Variants in KAZN observed in about 807,000 individuals in gnomAD.
The protein encoded by KAZN is kazrin.
A neutral mutation model predicts 87.4 loss-of-function variants in KAZN; 40 were observed. The observed-to-expected ratio is 0.46, with a 90% CI of 0.36 to 0.60. The LOEUF is 0.60. Ranked by LOEUF, KAZN falls within the 20% of genes least tolerant of loss-of-function variation. KAZN has a pLI of 0.00. For missense variants in KAZN, 898 were observed against 1,073.9 expected, an observed-to-expected ratio of 0.84 and a Z score of 2.29; for synonymous variants, 466 against 458.3, an observed-to-expected ratio of 1.02 and a Z score of -0.22.
At chr1:14,768,820 C>T (rs1271609518) in intron 1 of KAZN, among the ~76,000 whole-genome samples, 1 of 152,230 alleles carries the variant, frequency 6.6e-6, no homozygotes, top group Non-Finnish European at 1.5e-5. Flanking sequence ...CCACCAGTTC[C>T]AGTCAGTCAC....
intron 1 of KAZN, among the ~76,000 whole-genome samples, chr1:14,092,582 CA>C (rs1222603641): frequency 6.8e-6 from 1 of 147,918 alleles, no homozygotes; most frequent in Non-Finnish European, 1.5e-5. Context: ...TATGTATGTA[CA>C]TATATGTACA....
At chr1:14,547,319 A>G (rs1157497223) in intron 2 of KAZN, among the ~76,000 whole-genome samples, 2 of 152,350 alleles carry the variant, frequency 1.3e-5, no homozygotes, top group Admixed American at 6.5e-5. Flanking sequence ...AGTAAATTAC[A>G]GAGTTTTTTA....
chr1:14,160,468 G>A (rs1269346396), intron 1 of KAZN, among the ~76,000 whole-genome samples: 2 of 152,202 alleles, frequency 1.3e-5, no homozygotes, highest in Non-Finnish European at 2.9e-5. Flanking sequence ...GAAGGAGGGG[G>A]CTTGGGAGAG....
intron 1 of KAZN, among the ~76,000 whole-genome samples, chr1:14,615,760 G>A (rs991877932): frequency 1.3e-5 from 2 of 152,218 alleles, no homozygotes; most frequent in African/African-American, 2.4e-5. Flanking sequence ...GAGGCATCCC[G>A]GGAAGTGGCG....
intron 10 of KAZN, among the ~76,000 whole-genome samples, chr1:15,100,867 C>G (rs1459917337): frequency 6.6e-6 from 1 of 152,184 alleles, no homozygotes. Context: ...AGTGGACACC[C>G]AACATCCCTG....
At chr1:14,503,462 C>T (rs941801027) in intron 2 of KAZN, among the ~76,000 whole-genome samples, 8 of 149,926 alleles carry the variant, frequency 5.3e-5, no homozygotes, top group Non-Finnish European at 7.4e-5. Context: ...CCAGCCTGGG[C>T]GACAGAGCAA....
chr1:14,731,344 G>A (rs1026161147), intron 1 of KAZN, among the ~76,000 whole-genome samples: 14 of 152,170 alleles, frequency 9.2e-5, no homozygotes, highest in Non-Finnish European at 1.3e-4. Flanking sequence ...GTCAGCCCCA[G>A]GCCAACAGTC....
At chr1:14,589,195 A>T (rs1328859933) in intron 2 of KAZN, among the ~76,000 whole-genome samples, 1 of 152,182 alleles carries the variant, frequency 6.6e-6, no homozygotes, top group Non-Finnish European at 1.5e-5. Context: ...GATATGATCA[A>T]AAGCAAAATA....
intron 2 of KAZN, among the ~76,000 whole-genome samples, chr1:14,343,915 A>G (rs144679221): frequency 2.5e-4 from 38 of 152,306 alleles, no homozygotes; most frequent in African/African-American, 8.4e-4. Flanking sequence ...TTGTTTTTTA[A>G]AAGTCCCAAA....
chr1:15,066,555 T>C lies in KAZN; in HGVS notation c.1222+802T>C. ...TTTAAATTGCATTGCCGTTTCTTTC[T>C]TTATGAAAAAAAAGAAAAAAAGAAA... is the stretch of plus-strand genomic sequence containing the variant. On this transcript the variant is annotated intron_variant, in intron 8 of 14. Coordinates refer to ENST00000376030, the MANE Select transcript of KAZN (RefSeq NM_201628.3). This position sits in a 1 kb window ranked among gnomAD's most constrained non-coding sequence, Gnocchi z 4.3. The C allele has an allele frequency of 1.0e-6, 1 of 985,304 alleles. No homozygotes were observed. The highest frequency in any genetic ancestry group is 5.2e-4 in the Middle Eastern group (1 of 1,912). 61.0% of individuals were successfully genotyped at this position (985,304 alleles called of 1,614,324 possible).
intron 2 of KAZN, among the ~76,000 whole-genome samples, chr1:14,210,288 T>A (rs1646827733): frequency 6.6e-6 from 1 of 152,198 alleles, no homozygotes; most frequent in Non-Finnish European, 1.5e-5. Context: ...TGCTGCCATG[T>A]AAGATGTGCC....
At chr1:14,137,812 G>A (rs920566744) in intron 1 of KAZN, among the ~76,000 whole-genome samples, 1 of 148,040 alleles carries the variant, frequency 6.8e-6, no homozygotes, top group Non-Finnish European at 1.5e-5. Context: ...GGGTTTAAGC[G>A]ATTCTCCTGC....
At chr1:14,382,608 G>T (rs1364709056) in intron 2 of KAZN, among the ~76,000 whole-genome samples, 2 of 148,422 alleles carry the variant, frequency 1.3e-5, no homozygotes, top group Non-Finnish European at 3.0e-5. Context: ...TGAGAATGAT[G>T]ATTTCCAATT....
intron 2 of KAZN, among the ~76,000 whole-genome samples, chr1:15,003,083 G>T (rs1668658560): frequency 6.6e-6 from 1 of 150,488 alleles, no homozygotes; most frequent in South Asian, 2.1e-4. Context: ...GCACAGACAG[G>T]TAAACGAAGG....
chr1:15,093,165 C>T (rs999143246), intron 8 of KAZN, among the ~76,000 whole-genome samples: 4 of 152,106 alleles, frequency 2.6e-5, no homozygotes, highest in Non-Finnish European at 5.9e-5. Flanking sequence ...CCGCAGGTCT[C>T]TGTGGAGATG....
rs554109516 is a variant in KAZN at position 14,491,568 on chromosome 1, C to T, written c.250-107415C>T. Among the ~76,000 whole-genome samples the T allele has an allele frequency of 2.3e-4, 35 of 152,290 alleles. 1 individual carries two copies. The South Asian group carries it at 7.1e-3, about 31-fold the overall frequency. On this transcript the variant is annotated intron_variant, in intron 2 of 16. Transcript: ENST00000636203. ...CTACTGATTTTAATGAGAATACCTT[C>T]TGTATTCACCATTAAATATGATGGT...
rs2100682632 is a variant in KAZN at position 15,094,376 on chromosome 1, G to A, written c.1419G>A (p.Lys473=). 1.9e-6 allele frequency: 3 copies of A among 1,612,194 alleles called. No individual in the cohort carries two copies. The highest frequency in any genetic ancestry group is 1.1e-5 in the South Asian group (1 of 90,766). The part of the protein sequence containing the change: ...MYVKACTENV[K]SGKVLLSLSD... ...TCAAGGCCTGCACGGAGAACGTGAA[G>A]AGCGGGAAGGTAGGCAACTCCGGGC... The change falls in exon 9 of 15, where the codon AAG becomes AAA. Residue 473 remains lysine (K), a synonymous_variant. Transcript: ENST00000376030. This position sits in a 1 kb window ranked among gnomAD's most constrained non-coding sequence, Gnocchi z 4.5.
At chr1:14,061,998 G>A (rs895649882) in intron 1 of KAZN, among the ~76,000 whole-genome samples, 2 of 152,138 alleles carry the variant, frequency 1.3e-5, no homozygotes, top group African/African-American at 4.8e-5. Context: ...AAAGATTTGG[G>A]TGGTAATGGA....
chr1:14,625,975 G>A (rs368615513), intron 1 of KAZN, among the ~76,000 whole-genome samples: 15 of 152,274 alleles, frequency 9.9e-5, no homozygotes, highest in African/African-American at 3.4e-4. Context: ...GGATTCTGAG[G>A]GATATTTGAT....
Sources: allele counts gnomAD v4.1 joint callset (sites outside exome capture counted in the v4.1 genomes callset), GRCh38; gene constraint gnomAD v4.1.1; non-coding constraint Gnocchi (gnomAD v3.1); transcripts MANE v1.5; gene names NCBI Gene and HGNC (gene_info 2026-07-23, HGNC 2026-07-21).